POU6F2: variants seen among roughly 807,000 people sequenced by gnomAD.
The protein encoded by POU6F2 is POU class 6 homeobox 2.
POU6F2 carries 31 observed loss-of-function variants against 71.3 expected under a neutral mutation model. The ratio of observed to expected loss-of-function variants is 0.43; its 90% CI spans 0.33 to 0.59. The LOEUF is 0.59. Among genes scored for constraint, POU6F2 ranks in the 20% least tolerant of loss-of-function variants. POU6F2 has a pLI of 0.04. For synonymous variants in POU6F2, 347 were observed against 355.7 expected (o/e 0.98, Z 0.27); for missense variants, 783 against 856.8 (o/e 0.91, Z 1.07).
chr7:39,191,669 A>G (rs1178395329), intron 2 of POU6F2, among the ~76,000 whole-genome samples: 1 of 152,228 alleles, frequency 6.6e-6, no homozygotes, highest in African/African-American at 2.4e-5. Flanking sequence ...GTTCTATTTG[A>G]CTTTAAGTGG....
intron 4 of POU6F2, among the ~76,000 whole-genome samples, chr7:39,232,109 C>T (rs1794588011): frequency 6.6e-6 from 1 of 152,072 alleles, no homozygotes; most frequent in African/African-American, 2.4e-5. Context: ...TGAATTTTCT[C>T]ATTATAGAGA....
chr7:39,333,520 C>T (rs1011145620), intron 4 of POU6F2, among the ~76,000 whole-genome samples: 1 of 152,048 alleles, frequency 6.6e-6, no homozygotes. Context: ...AGGCAGATCA[C>T]GAGGTCAGGA....
intron 2 of POU6F2, among the ~76,000 whole-genome samples, chr7:39,124,082 T>A (rs1792098261): frequency 6.9e-6 from 1 of 145,576 alleles, no homozygotes; most frequent in African/African-American, 2.6e-5. Context: ...AGTCTTGCTC[T>A]GTCACCCCGG....
chr7:39,006,543 A>G (rs1446019841), intron 1 of POU6F2, among the ~76,000 whole-genome samples: 1 of 152,166 alleles, frequency 6.6e-6, no homozygotes, highest in Non-Finnish European at 1.5e-5. Context: ...CACCTTCAAA[A>G]TTACTTCTTT....
intron 2 of POU6F2, among the ~76,000 whole-genome samples, chr7:39,143,833 T>G (rs1562721931): frequency 6.6e-6 from 1 of 152,248 alleles, no homozygotes; most frequent in Non-Finnish European, 1.5e-5. Flanking sequence ...ATTATTTTAT[T>G]CTATGTAGAA....
At chr7:39,191,894 GC>G (rs1414157505) in intron 2 of POU6F2, among the ~76,000 whole-genome samples, 3 of 152,148 alleles carry the variant, frequency 2.0e-5, no homozygotes, top group African/African-American at 7.2e-5. Context: ...TAATTGTTTG[GC>G]TGGTTGGTTT....
chr7:39,100,566 C>T (rs1230323291), intron 2 of POU6F2, among the ~76,000 whole-genome samples: 1 of 151,974 alleles, frequency 6.6e-6, no homozygotes, highest in East Asian at 1.9e-4. Context: ...TAACATGTGT[C>T]GATCAATGTC....
At chr7:39,185,221 G>C (rs1278007222) in intron 2 of POU6F2, among the ~76,000 whole-genome samples, 2 of 151,976 alleles carry the variant, frequency 1.3e-5, no homozygotes, top group Non-Finnish European at 2.9e-5. Context: ...GATGGGGGAG[G>C]GGGGTGAAGG....
At chr7:39,411,718 C>T (rs1787554529) in intron 6 of POU6F2, among the ~76,000 whole-genome samples, 1 of 152,144 alleles carries the variant, frequency 6.6e-6, no homozygotes, top group Non-Finnish European at 1.5e-5. Flanking sequence ...AAAATGACCA[C>T]AAGGCCGTGA....
At chr7:39,119,682 C>T (rs1792003099) in intron 2 of POU6F2, among the ~76,000 whole-genome samples, 1 of 152,124 alleles carries the variant, frequency 6.6e-6, no homozygotes, top group South Asian at 2.1e-4. Flanking sequence ...TCTCTTTAAG[C>T]ATTTTACTGT....
chr7:39,267,918 A>G lies in POU6F2; in HGVS notation c.598+60298A>G, dbSNP rs528301815. On this transcript the variant is annotated intron_variant, in intron 4 of 9. Coordinates refer to ENST00000518318, the MANE Select transcript of POU6F2 (RefSeq NM_001370959.1). ...TTTACCCTCCCCAAGCCCTTTGTCT[A>G]TCTGTCAGTCTTTTCCTAAGGTGGG... Among the ~76,000 whole-genome samples the G allele has an allele frequency of 4.3e-4, 66 of 152,310 alleles. 1 individual carries two copies. Among genetic ancestry groups the G allele is most frequent in the East Asian group, 4.0e-3 (21 of 5,192 alleles).
intron 4 of POU6F2, among the ~76,000 whole-genome samples, chr7:39,208,770 G>A (rs1794076004): frequency 6.6e-6 from 1 of 152,160 alleles, no homozygotes; most frequent in Non-Finnish European, 1.5e-5. Context: ...AACTTTGCTT[G>A]TTTCAAATTT....
At chr7:38,993,102 G>T (rs1788644792) in intron 1 of POU6F2, among the ~76,000 whole-genome samples, 1 of 152,018 alleles carries the variant, frequency 6.6e-6, no homozygotes, top group African/African-American at 2.4e-5. Flanking sequence ...TATGTTAATG[G>T]ACTATTTTTT....
Position 39,039,008 on chromosome 7 carries a change from T to C in POU6F2, c.106-46852T>C, listed in dbSNP as rs151233330. Among the ~76,000 whole-genome samples the C allele has an allele frequency of 9.3e-3, 1,412 of 152,046 alleles. 16 individuals carry two copies. Among genetic ancestry groups the C allele is most frequent in the Middle Eastern group, 0.034 (10 of 292 alleles). ...CTTAGTTCCCAGGGAATAGGTGATA[T>C]ATAAATACATGGATTTAGGGCATGG... On this transcript the variant is annotated intron_variant, in intron 1 of 9. Coordinates refer to ENST00000518318, the MANE Select transcript of POU6F2 (RefSeq NM_001370959.1).
intron 1 of POU6F2, among the ~76,000 whole-genome samples, chr7:38,986,202 G>C (rs997057305): frequency 6.6e-6 from 1 of 152,116 alleles, no homozygotes; most frequent in East Asian, 1.9e-4. Flanking sequence ...CAACTTGGTT[G>C]AGAATGGAAA....
intron 7 of POU6F2, among the ~76,000 whole-genome samples, chr7:39,437,089 T>C (rs1788263786): frequency 6.6e-6 from 1 of 152,318 alleles, no homozygotes. Flanking sequence ...TTTCTTTTTG[T>C]GTTGTGTCTC....
At chr7:39,049,633 C>T (rs926678259) in intron 1 of POU6F2, among the ~76,000 whole-genome samples, 15 of 152,012 alleles carry the variant, frequency 9.9e-5, no homozygotes, top group African/African-American at 3.6e-4. Flanking sequence ...TTACAATTTA[C>T]TTTATCATAA....
chr7:39,006,730 A>T, intron 1 of POU6F2: 1 of 964,158 alleles, frequency 1.0e-6, no homozygotes, highest in Non-Finnish European at 1.7e-6. Flanking sequence ...GTCATCATTT[A>T]AATAAAATGT....
chr7:39,117,305 A>G (rs1464118249), intron 2 of POU6F2, among the ~76,000 whole-genome samples: 2 of 152,118 alleles, frequency 1.3e-5, no homozygotes, highest in Non-Finnish European at 2.9e-5. Flanking sequence ...ACAAAATTAT[A>G]CTTCCTAGGG....
Sources: gnomAD v4.1 joint callset for allele counts (sites outside exome capture counted in the v4.1 genomes callset) on GRCh38, gnomAD v4.1.1 for gene constraint, MANE v1.5 for transcripts, NCBI Gene and HGNC (gene_info 2026-07-23, HGNC 2026-07-21) for gene names.